The following AGBL4 variants were observed in gnomAD, a reference collection of about 807,000 sequenced individuals.
AGBL4 encodes cytosolic carboxypeptidase 6.
In AGBL4, 58 loss-of-function variants were observed where a neutral mutation model predicts 66.4. The observed-to-expected ratio is 0.87, with a 90% confidence interval of 0.71 to 1.09. The LOEUF (loss-of-function observed/expected upper bound fraction) is 1.09. Ranked by LOEUF, AGBL4 falls within the 50% of genes least tolerant of loss-of-function variation. AGBL4 has a pLI of 0.00. For missense variants in AGBL4, 579 were observed against 631.0 expected (o/e 0.92, Z 0.88); for synonymous variants, 234 against 222.9 (o/e 1.05, Z -0.44).
intron 4 of AGBL4, among the ~76,000 whole-genome samples, chr1:49,182,461 A>G (rs1646946091): frequency 6.6e-6 from 1 of 152,140 alleles, no homozygotes; most frequent in Non-Finnish European, 1.5e-5. Flanking sequence ...ACTTGGTAAC[A>G]ATTTGGTCTT....
chr1:49,934,038 CAT>C (rs1453121623), intron 1 of AGBL4, among the ~76,000 whole-genome samples: 3 of 152,036 alleles, frequency 2.0e-5, no homozygotes, highest in African/African-American at 2.4e-5. Context: ...TTTAAGGACA[CAT>C]GTGGGCTGAA....
In AGBL4 at chr1:48,718,860, G is replaced by A. The variant is rs942243855; in HGVS notation, c.635-55619C>T. Among the ~76,000 whole-genome samples the A allele has an allele frequency of 2.6e-5, 4 of 152,168 alleles. No individual in the cohort carries two copies. In the East Asian group the frequency reaches 5.8e-4, roughly 22 times the overall value. ...TGTGACACCCTAACTAAGTGCTCAT[G>A]CTCCCTGCTTCTATCACTCTGATGG... On this transcript the variant is annotated intron_variant, in intron 6 of 13. Coordinates refer to ENST00000371839, the MANE Select transcript of AGBL4 (RefSeq NM_032785.4).
At chr1:49,020,916 GA>G (rs1204296144) in intron 5 of AGBL4, among the ~76,000 whole-genome samples, 1 of 152,164 alleles carries the variant, frequency 6.6e-6, no homozygotes, top group Non-Finnish European at 1.5e-5. Flanking sequence ...CTAATGGCAG[GA>G]AACTCAGGGA....
At chr1:48,670,742 T>C (rs553489701) in intron 6 of AGBL4, among the ~76,000 whole-genome samples, 1 of 152,306 alleles carries the variant, frequency 6.6e-6, no homozygotes, top group African/African-American at 2.4e-5. Flanking sequence ...TCCCTACCCC[T>C]ATCTATCTTG....
At chr1:48,540,562 C>A (rs17372995) in intron 11 of AGBL4, among the ~76,000 whole-genome samples, 1 of 152,060 alleles carries the variant, frequency 6.6e-6, no homozygotes, top group Non-Finnish European at 1.5e-5. Context: ...CCAGGATATT[C>A]TTCTCCTCTC....
chr1:49,533,071 T>G (rs1651265258), intron 3 of AGBL4, among the ~76,000 whole-genome samples: 1 of 152,202 alleles, frequency 6.6e-6, no homozygotes, highest in Admixed American at 6.5e-5. Flanking sequence ...TGTCTAGAAG[T>G]TACTATGAAC....
chr1:49,003,363 A>C (rs1271842983), intron 5 of AGBL4, among the ~76,000 whole-genome samples: 1 of 152,190 alleles, frequency 6.6e-6, no homozygotes, highest in African/African-American at 2.4e-5. Context: ...ACGCCATTGC[A>C]CTCCAGCCTG....
At chr1:48,822,625 T>G (rs1032921147) in intron 6 of AGBL4, among the ~76,000 whole-genome samples, 1 of 152,214 alleles carries the variant, frequency 6.6e-6, no homozygotes, top group Non-Finnish European at 1.5e-5. Flanking sequence ...CTGTCTTGAT[T>G]ATATTAACTT....
At chr1:49,912,720 C>T (rs944589728) in intron 1 of AGBL4, among the ~76,000 whole-genome samples, 1 of 152,114 alleles carries the variant, frequency 6.6e-6, no homozygotes, top group Admixed American at 6.6e-5. Flanking sequence ...CAGAATACCA[C>T]AGACTAGGTA....
chr1:49,249,223 T>C (rs984145547), intron 3 of AGBL4, among the ~76,000 whole-genome samples: 1 of 152,126 alleles, frequency 6.6e-6, no homozygotes, highest in African/African-American at 2.4e-5. Context: ...ACTATTCTAA[T>C]GGGATTATAA....
chr1:49,357,404 C>G (rs995156887), intron 3 of AGBL4, among the ~76,000 whole-genome samples: 1 of 152,110 alleles, frequency 6.6e-6, no homozygotes, highest in African/African-American at 2.4e-5. Flanking sequence ...CTAGGAGAAC[C>G]AGAGCAAGCA....
intron 4 of AGBL4, among the ~76,000 whole-genome samples, chr1:49,230,915 A>G (rs1650262378): frequency 6.6e-6 from 1 of 152,182 alleles, no homozygotes; most frequent in South Asian, 2.1e-4. Context: ...TAAGCCAAAG[A>G]GCAAAAAGTA....
At chr1:49,115,411 A>T (rs1645498065) in intron 4 of AGBL4, among the ~76,000 whole-genome samples, 1 of 152,226 alleles carries the variant, frequency 6.6e-6, no homozygotes. Flanking sequence ...CACAGTGGAC[A>T]TGCTCAGAAA....
At chr1:48,739,978 G>A (rs1649657421) in intron 6 of AGBL4, among the ~76,000 whole-genome samples, 1 of 152,208 alleles carries the variant, frequency 6.6e-6, no homozygotes, top group Non-Finnish European at 1.5e-5. Flanking sequence ...GGAGGGTCAA[G>A]GCTTTGCCTC....
chr1:48,603,704 C>T (rs958385447), intron 9 of AGBL4, among the ~76,000 whole-genome samples: 18 of 152,062 alleles, frequency 1.2e-4, no homozygotes, highest in African/African-American at 2.7e-4. Flanking sequence ...GAGGCTGTGA[C>T]GAGAATTAGT....
Position 49,190,767 on chromosome 1 carries a change from A to C in AGBL4, c.377+55003T>G, listed in dbSNP as rs532572066. On this transcript the variant is annotated intron_variant, in intron 4 of 13. Transcript: ENST00000371839. ...AATTGTACAGGAAGGACAGGCTCAC[A>C]CATATTATATGTGCTAACTTTGGAT... 2.6e-5 allele frequency among the ~76,000 whole-genome samples: 4 copies of C among 152,274 alleles called. No homozygotes were observed. In the South Asian group the frequency reaches 8.3e-4, roughly 32 times the overall value.
intron 6 of AGBL4, 134 bp downstream of exon 6, chr1:48,867,057 C>A: frequency 2.0e-6 from 2 of 1,014,142 alleles, no homozygotes; most frequent in Middle Eastern, 2.1e-4. Context: ...GGAGAAGAAT[C>A]ATTCATGGTG....
At chr1:49,209,423 A>G (rs1359510327) in intron 4 of AGBL4, among the ~76,000 whole-genome samples, 1 of 152,116 alleles carries the variant, frequency 6.6e-6, no homozygotes, top group Non-Finnish European at 1.5e-5. Context: ...AACACAGTAC[A>G]GTGGGGGAAA....
At chr1:49,459,060 CTTTTA>C (rs895166458) in intron 3 of AGBL4, among the ~76,000 whole-genome samples, 1 of 150,500 alleles carries the variant, frequency 6.6e-6, no homozygotes, top group African/African-American at 2.4e-5. Flanking sequence ...CTTTCCTTTT[CTTTTA>C]TTTCTTGTTA....
Sources: gnomAD v4.1 joint callset for allele counts (sites outside exome capture counted in the v4.1 genomes callset) on GRCh38, gnomAD v4.1.1 for gene constraint, MANE v1.5 for transcripts, NCBI Gene and HGNC (gene_info 2026-07-23, HGNC 2026-07-21) for gene names.